Variants in NEDD9 observed in about 807,000 individuals in gnomAD.
NEDD9 encodes neural precursor cell expressed, developmentally down-regulated 9, also known as enhancer of filamentation 1.
In NEDD9, 26 loss-of-function variants were observed where a neutral mutation model predicts 76.6. The observed-to-expected ratio is 0.34, with a 90% CI of 0.25 to 0.47. The LOEUF (loss-of-function observed/expected upper bound fraction) is 0.47. Ranked by LOEUF, NEDD9 falls within the 20% of genes least tolerant of loss-of-function variation. The pLI is 1.00. For missense variants in NEDD9, 937 were observed against 1,058.5 expected, an observed-to-expected ratio of 0.89 and a Z score of 1.59; for synonymous variants, 392 against 414.2, an observed-to-expected ratio of 0.95 and a Z score of 0.65.
intron 1 of NEDD9, among the ~76,000 whole-genome samples, chr6:11,216,399 G>A (rs922382393): frequency 6.6e-6 from 1 of 152,182 alleles, no homozygotes; most frequent in Non-Finnish European, 1.5e-5. Flanking sequence ...AGATCACCTG[G>A]ACACAATGCC....
In NEDD9 at chr6:11,190,813, C is replaced by G. The variant is rs575153183; in HGVS notation, c.1056G>C (p.Pro352=). ...DGVYDVPLHN[P]PDAKGSRDLV... is the part of the protein sequence containing the mutation. ...AGTCCCGAGAGCCTTTAGCATCTGG[C>G]GGGTTATGCAGAGGGACATCATAAA... Residue 352 remains proline, a synonymous_variant, in exon 5 of 7, where the codon CCG becomes CCC. Coordinates refer to ENST00000379446, the MANE Select transcript of NEDD9 (RefSeq NM_006403.4). The surrounding 1 kb of genome is among the most constrained non-coding windows in gnomAD (Gnocchi z 5.8). The G allele has an allele frequency of 1.9e-6, 3 of 1,614,088 alleles. No homozygotes were observed. The South Asian group carries it at 3.3e-5, about 18-fold the overall frequency.
chr6:11,325,209 G>A (rs558844298), intron 2 of NEDD9, among the ~76,000 whole-genome samples: 9 of 152,048 alleles, frequency 5.9e-5, no homozygotes, highest in Non-Finnish European at 7.4e-5. Flanking sequence ...ACAAAAATTA[G>A]CAGGGTGTGG....
intron 1 of NEDD9, among the ~76,000 whole-genome samples, chr6:11,228,407 G>A (rs953084328): frequency 6.6e-6 from 1 of 152,154 alleles, no homozygotes; most frequent in African/African-American, 2.4e-5. Context: ...GTGGGCACCT[G>A]TAATCCCAGC....
rs376429182 is a variant in NEDD9 at position 11,188,339 on chromosome 6, G to A, written c.1906-32C>T. 2.3e-4 allele frequency: 349 copies of A among 1,503,930 alleles called. 1 individual carries two copies. The highest frequency in any genetic ancestry group is 6.8e-4 in the Middle Eastern group (4 of 5,874). The allele number at this position is 1,503,930 out of a possible 1,614,324, so 93.2% of individuals were successfully genotyped here. A position where few individuals can be genotyped will look rare whatever the true frequency, so the allele number is the denominator to read the frequency against. On this transcript the variant is annotated intron_variant, in intron 5 of 6. Coordinates refer to ENST00000379446, the MANE Select transcript of NEDD9 (RefSeq NM_006403.4). The stretch of plus-strand genomic sequence containing the variant: ...ATTTTCAACATAAAGAACATATTAT[G>A]TCATCACTGTGATTCACTTATGCTA...
At chr6:11,343,691 G>A (rs1259428474) in intron 1 of NEDD9, among the ~76,000 whole-genome samples, 4 of 152,150 alleles carry the variant, frequency 2.6e-5, no homozygotes, top group Admixed American at 1.3e-4. Context: ...AATGAATAAA[G>A]GAATATATGA....
chr6:11,337,359 AAAC>A (rs555704655), intron 1 of NEDD9, among the ~76,000 whole-genome samples: 7 of 152,346 alleles, frequency 4.6e-5, no homozygotes, highest in African/African-American at 1.7e-4. Context: ...ACTATAGTAA[AAAC>A]AAACTAGTAA....
chr6:11,308,669 G>A (rs990110494), intron 2 of NEDD9, among the ~76,000 whole-genome samples: 3 of 151,896 alleles, frequency 2.0e-5, no homozygotes, highest in African/African-American at 4.8e-5. Flanking sequence ...GCGCCCGGCC[G>A]GGACATCTTT....
At chr6:11,323,036 TTA>T (rs1491427822) in intron 2 of NEDD9, among the ~76,000 whole-genome samples, 1 of 148,588 alleles carries the variant, frequency 6.7e-6, no homozygotes, top group African/African-American at 2.5e-5. Flanking sequence ...GTTATAGGAG[TTA>T]TTTTTTTCTC....
At chr6:11,373,605 A>G (rs1018441428) in intron 1 of NEDD9, among the ~76,000 whole-genome samples, 2 of 152,206 alleles carry the variant, frequency 1.3e-5, no homozygotes, top group African/African-American at 4.8e-5. Flanking sequence ...AGCACCTAAT[A>G]TGGTGCCTGG....
chr6:11,191,991 C>T (rs1011123272), intron 4 of NEDD9, among the ~76,000 whole-genome samples: 2 of 152,018 alleles, frequency 1.3e-5, no homozygotes, highest in African/African-American at 2.4e-5. Context: ...GGTGACAGAG[C>T]GAGACCCTGT....
intron 1 of NEDD9, among the ~76,000 whole-genome samples, chr6:11,359,178 G>A (rs1027328856): frequency 3.9e-5 from 6 of 152,224 alleles, no homozygotes; most frequent in African/African-American, 1.4e-4. Flanking sequence ...CAGAGACAGA[G>A]AGCCAGCAAG....
exon 3 of NEDD9, chr6:11,306,106 A>G (rs1273329850): frequency 2.2e-6 from 3 of 1,382,690 alleles, no homozygotes; most frequent in Non-Finnish European, 1.0e-6. Context: ...CTTGAAGAAC[A>G]TATGATGTTT....
At chr6:11,300,449 A>G (rs1302416863) in intron 3 of NEDD9, among the ~76,000 whole-genome samples, 2 of 152,228 alleles carry the variant, frequency 1.3e-5, no homozygotes, top group Admixed American at 6.5e-5. Context: ...TCAGGATATT[A>G]TCCTGGAAAA....
chr6:11,356,004 AG>A (rs2113543510), intron 1 of NEDD9, among the ~76,000 whole-genome samples: 1 of 152,134 alleles, frequency 6.6e-6, no homozygotes, highest in East Asian at 1.9e-4. Flanking sequence ...TGCAGGCGTG[AG>A]CCACCATGCC....
intron 1 of NEDD9, among the ~76,000 whole-genome samples, chr6:11,221,431 C>T (rs1461891659): frequency 1.3e-5 from 2 of 151,506 alleles, no homozygotes; most frequent in African/African-American, 4.8e-5. Context: ...GGGAAGAACA[C>T]CTAGGTTTTT....
At chr6:11,209,970 C>CTTTCTTTTTTTTT (rs1758725045) in intron 2 of NEDD9, among the ~76,000 whole-genome samples, 1 of 131,072 alleles carries the variant, frequency 7.6e-6, no homozygotes, top group Non-Finnish European at 1.6e-5. Flanking sequence ...AATTCACTGT[C>CTTTCTTTTTTTTT]TTTTTTTTTT....
chr6:11,335,039 C>A (rs767681682), intron 1 of NEDD9, among the ~76,000 whole-genome samples: 1 of 152,130 alleles, frequency 6.6e-6, no homozygotes. Flanking sequence ...AACTTAACAT[C>A]GACTGTTCTA....
chr6:11,223,461 C>A (rs1759205990), intron 1 of NEDD9, among the ~76,000 whole-genome samples: 1 of 149,176 alleles, frequency 6.7e-6, no homozygotes. Context: ...TGTACTCCTC[C>A]CCTTGGAAAA....
At position 11,213,627 on chromosome 6, in the gene NEDD9, C is replaced by T. The variant is rs1471255760; in HGVS notation, c.113G>A (p.Gly38Glu). 6.2e-7 allele frequency: 1 copy of T among 1,614,190 alleles called. No homozygotes were observed. The highest frequency in any genetic ancestry group is 1.7e-5 in the Admixed American group (1 of 60,016). Residue 38 changes from glycine (G) to glutamate (E), a missense_variant, in exon 2 of 7, where the codon GGG becomes GAG. Coordinates refer to ENST00000379446, the MANE Select transcript of NEDD9 (RefSeq NM_006403.4). The surrounding 1 kb of genome is among the most constrained non-coding windows in gnomAD (Gnocchi z 5.4). ...DILTVIEQNTGGLEGWWLCSL... is the reference protein window; with the variant it reads ...DILTVIEQNTEGLEGWWLCSL... ...GCACAGCCACCATCCTTCCAGTCCC[C>T]CTGTGTTCTGCTCTATGACGGTCAG...
Sources: gnomAD v4.1 joint callset for allele counts (sites outside exome capture counted in the v4.1 genomes callset) on GRCh38, gnomAD v4.1.1 for gene constraint, Gnocchi (gnomAD v3.1) non-coding constraint, MANE v1.5 for transcripts, NCBI Gene and HGNC (gene_info 2026-07-23, HGNC 2026-07-21) for gene names.